NBEA: variants seen among roughly 807,000 people sequenced by gnomAD.
NBEA encodes neurobeachin.
A neutral mutation model predicts 343.4 loss-of-function variants in NBEA; 44 were observed. The observed-to-expected ratio is 0.13, with a 90% CI of 0.10 to 0.16. The LOEUF (loss-of-function observed/expected upper bound fraction) is 0.16. Ranked by LOEUF, NBEA falls within the 10% of genes least tolerant of loss-of-function variation. The probability of loss-of-function intolerance (pLI) is 1.00; values close to 1 mark genes in which losing one functional copy is unlikely to be tolerated. For missense variants in NBEA, 2,555 were observed against 3,631.3 expected (o/e 0.70, Z 7.62); for synonymous variants, 1,175 against 1,238.7 (o/e 0.95, Z 1.08).
At chr13:35,062,827 C>T (rs1362602456) in intron 8 of NBEA, among the ~76,000 whole-genome samples, 1 of 151,614 alleles carries the variant, frequency 6.6e-6, no homozygotes, top group Non-Finnish European at 1.5e-5. Context: ...AAAAGAAAAC[C>T]TGGATGATTA....
intron 45 of NBEA, among the ~76,000 whole-genome samples, 194 bp downstream of exon 45, chr13:35,567,211 A>G (rs1335905546): frequency 6.6e-6 from 1 of 152,240 alleles, no homozygotes; most frequent in Admixed American, 6.5e-5. Flanking sequence ...TAGTACTAGC[A>G]TAGGCAAAAT....
At position 35,168,195 on chromosome 13, in the gene NBEA, C is replaced by A. The variant is rs143129738; in HGVS notation, c.4234-792C>A. On this transcript the variant is annotated intron_variant, in intron 24 of 58. Transcript: ENST00000379939. ...GGATGCTTTTATATGTTTTCCTATA[C>A]AATGTACCATGAAAATAGCATATTT... Among the ~76,000 whole-genome samples, 93 of 151,622 alleles carry A rather than the reference C, an allele frequency of 6.1e-4. 1 individual carries two copies. Among genetic ancestry groups the A allele is most frequent in the African/African-American group, 2.0e-3 (85 of 41,484 alleles).
chr13:34,996,991 T>C (rs1194102612), intron 1 of NBEA, among the ~76,000 whole-genome samples: 1 of 152,080 alleles, frequency 6.6e-6, no homozygotes, highest in Non-Finnish European at 1.5e-5. Flanking sequence ...ACTGGATTAG[T>C]CAGGAAATTT....
At chr13:35,399,014 G>A (rs116926057) in intron 38 of NBEA, among the ~76,000 whole-genome samples, 4,514 of 152,188 alleles carry the variant, frequency 0.03, 84 homozygotes, top group Non-Finnish European at 0.045. Context: ...TATATAACTT[G>A]CTGCAGCTTC....
chr13:34,965,022 G>A (rs965170463), intron 1 of NBEA, among the ~76,000 whole-genome samples: 2 of 152,008 alleles, frequency 1.3e-5, no homozygotes, highest in Non-Finnish European at 2.9e-5. Flanking sequence ...CAGACTTGGT[G>A]ATACATATTA....
chr13:35,356,496 A>G (rs2040497914), intron 38 of NBEA, among the ~76,000 whole-genome samples: 1 of 152,186 alleles, frequency 6.6e-6, no homozygotes, highest in South Asian at 2.1e-4. Context: ...TGTAAATGCA[A>G]GAAAAATATG....
intron 36 of NBEA, among the ~76,000 whole-genome samples, chr13:35,335,703 T>G (rs1335245799): frequency 6.6e-6 from 1 of 151,584 alleles, no homozygotes; most frequent in Non-Finnish European, 1.5e-5. Context: ...TTAATTAATG[T>G]TAATTAATTA....
At chr13:35,414,724 A>G (rs534138129) in intron 38 of NBEA, among the ~76,000 whole-genome samples, 2 of 152,222 alleles carry the variant, frequency 1.3e-5, no homozygotes, top group Non-Finnish European at 2.9e-5. Context: ...AGCATGATTT[A>G]TAATCCTTTG....
intron 39 of NBEA, among the ~76,000 whole-genome samples, chr13:35,439,536 C>T (rs971557399): frequency 3.9e-5 from 6 of 152,136 alleles, no homozygotes; most frequent in Non-Finnish European, 5.9e-5. Context: ...GATGACAAGT[C>T]ACTTCATAAA....
At chr13:35,613,519 A>T (rs932894082) in intron 48 of NBEA, among the ~76,000 whole-genome samples, 2 of 152,192 alleles carry the variant, frequency 1.3e-5, no homozygotes, top group Admixed American at 1.3e-4. Flanking sequence ...ATGAGAATGC[A>T]AATATCCCTT....
In NBEA at chr13:35,146,632, C is replaced by T. The variant is rs141617656; in HGVS notation, c.2445+4255C>T. Reference sequence around the variant, plus strand: ...TGGGACAGGTATTGCGCCTGTGTCACAGCTCCCCACACTTGAAGCAGCAAC... The same window carrying T: ...TGGGACAGGTATTGCGCCTGTGTCATAGCTCCCCACACTTGAAGCAGCAAC... On this transcript the variant is annotated intron_variant, in intron 18 of 58. Coordinates refer to ENST00000379939, the MANE Select transcript of NBEA (RefSeq NM_001385012.1). Among the ~76,000 whole-genome samples, 388 of 152,174 alleles carry T rather than the reference C, an allele frequency of 2.5e-3. 1 individual carries two copies. Among genetic ancestry groups the T allele is most frequent in the African/African-American group, 9.1e-3 (379 of 41,508 alleles).
intron 13 of NBEA, among the ~76,000 whole-genome samples, chr13:35,111,968 G>C (rs1311374781): frequency 6.9e-6 from 1 of 143,994 alleles, no homozygotes; most frequent in Non-Finnish European, 1.5e-5. Flanking sequence ...CCAGGCTGGA[G>C]TGCAGTGGTG....
chr13:35,583,865 G>A (rs549591720), intron 45 of NBEA, 33 bp from the exon 46 acceptor site: 4 of 1,542,334 alleles, frequency 2.6e-6, no homozygotes. Flanking sequence ...TAATATGACT[G>A]TATTAAACAA....
At chr13:35,585,755 G>A (rs12585821) in intron 46 of NBEA, among the ~76,000 whole-genome samples, 16,196 of 151,718 alleles carry the variant, frequency 0.11, 1,057 homozygotes, top group African/African-American at 0.18. Flanking sequence ...GTTAAATGCC[G>A]TGATTATTCA....
At chr13:35,425,358 A>G (rs1251361867) in intron 38 of NBEA, among the ~76,000 whole-genome samples, 2 of 152,054 alleles carry the variant, frequency 1.3e-5, no homozygotes, top group Non-Finnish European at 2.9e-5. Flanking sequence ...CTTTGTTCTC[A>G]TTGGTTTCAA....
intron 1 of NBEA, 41 bp from the exon 2 acceptor site, chr13:35,040,892 C>T (rs372008573): frequency 9.6e-4 from 1,453 of 1,513,578 alleles, no homozygotes; most frequent in Non-Finnish European, 1.2e-3. Context: ...CATCGATAAC[C>T]TCCCATGTTA....
intron 38 of NBEA, among the ~76,000 whole-genome samples, chr13:35,366,263 G>A (rs1322468697): frequency 2.0e-5 from 3 of 151,174 alleles, no homozygotes; most frequent in East Asian, 1.9e-4. Flanking sequence ...ACTATGTAAT[G>A]GAATAAATAT....
At chr13:35,083,042 A>G (rs2064510215) in intron 10 of NBEA, among the ~76,000 whole-genome samples, 1 of 152,036 alleles carries the variant, frequency 6.6e-6, no homozygotes, top group Admixed American at 6.6e-5. Context: ...TAGGGTTTTT[A>G]TGGTTTTAGG....
At chr13:35,504,178 G>A (rs895164341) in intron 41 of NBEA, among the ~76,000 whole-genome samples, 5 of 152,174 alleles carry the variant, frequency 3.3e-5, no homozygotes, top group Non-Finnish European at 5.9e-5. Context: ...AAACCAGAAT[G>A]TGGAGTATCC....
Sources: allele counts gnomAD v4.1 joint callset (sites outside exome capture counted in the v4.1 genomes callset), GRCh38; gene constraint gnomAD v4.1.1; transcripts MANE v1.5; gene names NCBI Gene and HGNC (gene_info 2026-07-23, HGNC 2026-07-21).